The following SLC41A2 variants were observed in gnomAD, a reference collection of about 807,000 sequenced individuals.
The protein encoded by SLC41A2 is SLC41A1-like 1.
Under a neutral mutation model 58.3 loss-of-function variants are expected in SLC41A2, and 32 were observed. The observed-to-expected ratio is 0.55, with a 90% confidence interval of 0.41 to 0.74. The LOEUF is 0.74. SLC41A2 is among the 30% of genes least tolerant of loss of function. SLC41A2 has a pLI of 0.00. For synonymous variants in SLC41A2, 190 were observed against 235.0 expected, an observed-to-expected ratio of 0.81 and a Z score of 1.75; for missense variants, 514 against 680.6, an observed-to-expected ratio of 0.76 and a Z score of 2.72.
rs541579700 is a variant in SLC41A2, at chr12:104,946,971, A to G, written c.-168+11117T>C. Among the ~76,000 whole-genome samples the G allele has an allele frequency of 5.9e-4, 90 of 152,308 alleles. No homozygotes were observed. The Middle Eastern group carries it at 0.01, about 17-fold the overall frequency. ...GTAAATACATCTCCTTCACTGGTTT[A>G]TGGTGAGGATTAAATGACTTAATAC... On this transcript the variant is annotated intron_variant, in intron 1 of 10. Transcript: ENST00000258538.
intron 1 of SLC41A2, chr12:104,931,582 A>T (rs1372490774): frequency 6.6e-6 from 1 of 152,240 alleles, no homozygotes; most frequent in Non-Finnish European, 1.5e-5. Flanking sequence ...ATAATTTGTG[A>T]TAAAGGCTAT....
intron 6 of SLC41A2, among the ~76,000 whole-genome samples, chr12:104,884,941 A>G (rs1365886675): frequency 1.3e-5 from 2 of 152,160 alleles, no homozygotes; most frequent in African/African-American, 2.4e-5. Flanking sequence ...TTCAGCATCT[A>G]TTTCTAAATT....
chr12:104,931,552 T>A (rs2047052983), intron 1 of SLC41A2: 1 of 152,184 alleles, frequency 6.6e-6, no homozygotes, highest in Admixed American at 6.5e-5. Flanking sequence ...AATAATCAGG[T>A]AAGCACATAA....
chr12:104,897,144 CT>C (rs71440558), intron 3 of SLC41A2, among the ~76,000 whole-genome samples: 102 of 120,288 alleles, frequency 8.5e-4, no homozygotes, highest in East Asian at 1.8e-3. Context: ...TTTCTTTTTT[CT>C]TTTTTTTTTT....
At chr12:104,838,689 AAGTT>A (rs1195602258) in intron 10 of SLC41A2, among the ~76,000 whole-genome samples, 1 of 152,208 alleles carries the variant, frequency 6.6e-6, no homozygotes, top group Non-Finnish European at 1.5e-5. Context: ...CAAAGAGTGA[AAGTT>A]AGGCATAGGC....
In SLC41A2 at chr12:104,957,739, G is replaced by A. The variant is rs542976259; in HGVS notation, c.-168+349C>T. ...GAACAGGCATCTGGGGTGTGCCCGA[G>A]CCAGCCTCGCAGCATCTCCATCCCA... On this transcript the variant is annotated intron_variant, in intron 1 of 10. Transcript: ENST00000258538. 6.6e-5 allele frequency among the ~76,000 whole-genome samples: 10 copies of A among 152,332 alleles called. No homozygotes were observed. The South Asian group carries it at 1.7e-3, about 25-fold the overall frequency.
chr12:104,927,203 A>G (rs984549514), intron 2 of SLC41A2, among the ~76,000 whole-genome samples: 3 of 152,206 alleles, frequency 2.0e-5, no homozygotes, highest in African/African-American at 7.2e-5. Flanking sequence ...AAACATAGAT[A>G]TTAATTCATA....
intron 10 of SLC41A2, among the ~76,000 whole-genome samples, chr12:104,810,200 A>AATTTGG (rs1198204699): frequency 1.3e-5 from 2 of 152,154 alleles, no homozygotes; most frequent in Non-Finnish European, 2.9e-5. Flanking sequence ...ACTTAAAAAA[A>AATTTGG]ATTTGGCTAT....
chr12:104,817,228 A>C (rs545313329), intron 10 of SLC41A2, among the ~76,000 whole-genome samples: 4 of 152,292 alleles, frequency 2.6e-5, no homozygotes, highest in South Asian at 4.1e-4. Flanking sequence ...AAAAGATAAA[A>C]AATGGTACAC....
chr12:104,813,551 CTATT>C (rs1406642025), intron 10 of SLC41A2, among the ~76,000 whole-genome samples: 1 of 152,032 alleles, frequency 6.6e-6, no homozygotes, highest in Middle Eastern at 3.2e-3. Flanking sequence ...CTCTGGAGGA[CTATT>C]TAGTAGTTAA....
At position 104,867,024 on chromosome 12, in the gene SLC41A2, G is replaced by A. The variant is rs940511742; in HGVS notation, c.1028-445C>T. ...CTTAGAAACTTAAGAATACAGTGAGGAAATAGGGAGAGCCGGAAGAAAATA... is the reference window on the plus strand; with the variant it reads ...CTTAGAAACTTAAGAATACAGTGAGAAAATAGGGAGAGCCGGAAGAAAATA... On this transcript the variant is annotated intron_variant, in intron 6 of 10. Transcript: ENST00000258538. 1.1e-4 allele frequency among the ~76,000 whole-genome samples: 16 copies of A among 152,078 alleles called. No homozygotes were observed. In the East Asian group the frequency reaches 3.1e-3, roughly 29 times the overall value.
intron 2 of SLC41A2, among the ~76,000 whole-genome samples, chr12:104,919,144 C>G (rs1268324406): frequency 6.6e-6 from 1 of 152,204 alleles, no homozygotes; most frequent in Non-Finnish European, 1.5e-5. Flanking sequence ...GCATAATTCT[C>G]TGGAGATTCA....
chr12:104,956,204 T>A (rs2048161635), intron 1 of SLC41A2, among the ~76,000 whole-genome samples: 1 of 152,190 alleles, frequency 6.6e-6, no homozygotes, highest in Admixed American at 6.5e-5. Flanking sequence ...CAGTAAGATG[T>A]CCAGAATGAA....
intron 1 of SLC41A2, among the ~76,000 whole-genome samples, chr12:104,948,320 A>G (rs1291370478): frequency 6.6e-6 from 1 of 152,196 alleles, no homozygotes; most frequent in Non-Finnish European, 1.5e-5. Context: ...AATAGCTTAT[A>G]AAAATGCCAC....
At chr12:104,830,145 G>T (rs953767571) in intron 10 of SLC41A2, among the ~76,000 whole-genome samples, 1 of 152,136 alleles carries the variant, frequency 6.6e-6, no homozygotes, top group African/African-American at 2.4e-5. Context: ...CTGGGGAGTT[G>T]GTTCATAAGC....
At chr12:104,950,237 C>T (rs1330510951) in intron 1 of SLC41A2, among the ~76,000 whole-genome samples, 1 of 152,114 alleles carries the variant, frequency 6.6e-6, no homozygotes, top group East Asian at 1.9e-4. Context: ...TTGTAATCCC[C>T]ATAATCTCCA....
intron 1 of SLC41A2, chr12:104,951,676 A>G (rs1317928313): frequency 6.6e-6 from 1 of 151,968 alleles, no homozygotes; most frequent in Non-Finnish European, 1.5e-5. Context: ...GGGTATATGG[A>G]TGTTCTATTT....
At chr12:104,810,937 AC>A (rs1258019374) in intron 10 of SLC41A2, among the ~76,000 whole-genome samples, 1 of 152,362 alleles carries the variant, frequency 6.6e-6, no homozygotes, top group African/African-American at 2.4e-5. Context: ...ATAGAACTTT[AC>A]ATTGATGAGA....
intron 7 of SLC41A2, among the ~76,000 whole-genome samples, chr12:104,863,719 T>C (rs988041221): frequency 6.6e-6 from 1 of 152,140 alleles, no homozygotes; most frequent in Non-Finnish European, 1.5e-5. Context: ...CCTCCTCCCA[T>C]CCTGCTAATC....
Sources: allele counts gnomAD v4.1 joint callset (sites outside exome capture counted in the v4.1 genomes callset), GRCh38; gene constraint gnomAD v4.1.1; transcripts MANE v1.5; gene names NCBI Gene and HGNC (gene_info 2026-07-23, HGNC 2026-07-21).